Variants in PPP2R2B observed in about 807,000 individuals in gnomAD.
PPP2R2B encodes serine/threonine-protein phosphatase 2A 55 kDa regulatory subunit B beta isoform.
Under a neutral mutation model 46.0 loss-of-function variants are expected in PPP2R2B, and 5 were observed. The ratio of observed to expected loss-of-function variants is 0.11; its 90% CI spans 0.06 to 0.23. The LOEUF (loss-of-function observed/expected upper bound fraction) is 0.23. Among genes scored for constraint, PPP2R2B ranks in the 10% least tolerant of loss-of-function variants. The probability of loss-of-function intolerance (pLI) is 1.00; values close to 1 mark genes in which losing one functional copy is unlikely to be tolerated. For synonymous variants in PPP2R2B, 215 were observed against 206.7 expected, an observed-to-expected ratio of 1.04 and a Z score of -0.34; for missense variants, 367 against 575.0, an observed-to-expected ratio of 0.64 and a Z score of 3.70.
intron 2 of PPP2R2B, among the ~76,000 whole-genome samples, chr5:146,789,259 A>T (rs1756039830): frequency 6.6e-6 from 1 of 152,200 alleles, no homozygotes; most frequent in African/African-American, 2.4e-5. Context: ...CTTGGGGGGC[A>T]AATGGGTAAG....
chr5:146,831,206 T>C (rs577781092), intron 2 of PPP2R2B, among the ~76,000 whole-genome samples: 233 of 152,098 alleles, frequency 1.5e-3, no homozygotes, highest in Non-Finnish European at 2.8e-3. Context: ...TATTAAAAAG[T>C]CTCTGGGTTG....
intron 1 of PPP2R2B, among the ~76,000 whole-genome samples, chr5:146,906,047 C>T (rs191009132): frequency 2.0e-5 from 3 of 151,944 alleles, no homozygotes; most frequent in Admixed American, 6.5e-5. Context: ...GACATTTGAA[C>T]CTATTTTTTC....
At chr5:146,701,292 C>T in intron 2 of PPP2R2B, 150 bp from the exon 3 acceptor site, 2 of 813,788 alleles carry the variant, frequency 2.5e-6, no homozygotes, top group Admixed American at 3.4e-5. Flanking sequence ...GTTTTAAATG[C>T]CACCAGAAGT....
chr5:146,759,019 AACTT>A (rs1256775785), intron 2 of PPP2R2B, among the ~76,000 whole-genome samples: 24 of 152,228 alleles, frequency 1.6e-4, no homozygotes, highest in Non-Finnish European at 3.1e-4. Context: ...TATCTACAAA[AACTT>A]ACTTATTTTA....
chr5:146,839,142 A>T (rs1189287421), intron 2 of PPP2R2B, among the ~76,000 whole-genome samples: 1 of 152,180 alleles, frequency 6.6e-6, no homozygotes, highest in Non-Finnish European at 1.5e-5. Context: ...TACCTAGTCT[A>T]TTCGATCTTG....
chr5:146,699,367 T>C (rs1456729330), intron 3 of PPP2R2B, among the ~76,000 whole-genome samples: 1 of 152,192 alleles, frequency 6.6e-6, no homozygotes, highest in Non-Finnish European at 1.5e-5. Context: ...TCGGATTTAG[T>C]GCTCATTTTA....
In PPP2R2B at chr5:146,861,059, T is replaced by C. The variant is rs939371193; in HGVS notation, c.70+16943A>G. Among the ~76,000 whole-genome samples, 36 of 98,798 alleles carry C rather than the reference T, an allele frequency of 3.6e-4. 1 individual carries two copies. Among genetic ancestry groups the C allele is most frequent in the East Asian group, 2.4e-3 (5 of 2,122 alleles). 64.8% of individuals were successfully genotyped at this position (98,798 alleles called of 152,430 possible). On this transcript the variant is annotated intron_variant, in intron 2 of 9. Coordinates refer to ENST00000394411, the MANE Select transcript of PPP2R2B (RefSeq NM_181675.4). ...GCATTCAAACTGAATTTTTTCTTTTTTTTTTTTTTTTTTTTGAGACTGAGT... is the reference window on the plus strand; with the variant it reads ...GCATTCAAACTGAATTTTTTCTTTTCTTTTTTTTTTTTTTTGAGACTGAGT...
At chr5:146,733,600 T>C (rs1452070846) in intron 2 of PPP2R2B, among the ~76,000 whole-genome samples, 1 of 152,208 alleles carries the variant, frequency 6.6e-6, no homozygotes. Context: ...AAAGTTGTTC[T>C]AAGCTTGGGC....
intron 5 of PPP2R2B, among the ~76,000 whole-genome samples, chr5:146,651,199 C>T (rs992608553): frequency 6.6e-6 from 1 of 152,088 alleles, no homozygotes; most frequent in Non-Finnish European, 1.5e-5. Flanking sequence ...TGGCTTTGTC[C>T]TTAATCCTTA....
chr5:146,945,123 G>A (rs1034322483), intron 1 of PPP2R2B, among the ~76,000 whole-genome samples: 4 of 152,116 alleles, frequency 2.6e-5, no homozygotes, highest in African/African-American at 9.7e-5. Flanking sequence ...TTAAATCTCT[G>A]TAACTCCTGA....
In PPP2R2B at chr5:146,997,049, T is replaced by A. The variant is rs531429352; in HGVS notation, c.79+58616A>T. 2.0e-5 allele frequency among the ~76,000 whole-genome samples: 3 copies of A among 152,322 alleles called. No individual in the cohort carries two copies. In the South Asian group the frequency reaches 6.2e-4, roughly 32 times the overall value. On this transcript the variant is annotated intron_variant, in intron 1 of 8. Coordinates refer to the PPP2R2B transcript ENST00000336640. ...AAATTGGAAGACTCAAACACGGGAT[T>A]GCACCCAACTCTAAAGTTCTAGATT...
At chr5:146,608,793 A>T (rs1424387194) in intron 7 of PPP2R2B, among the ~76,000 whole-genome samples, 1 of 152,080 alleles carries the variant, frequency 6.6e-6, no homozygotes, top group East Asian at 1.9e-4. Context: ...TCAAAAACAA[A>T]CAAGACATGT....
intron 5 of PPP2R2B, among the ~76,000 whole-genome samples, chr5:146,684,532 T>C (rs1778370831): frequency 6.6e-6 from 1 of 152,172 alleles, no homozygotes; most frequent in South Asian, 2.1e-4. Context: ...TACCCTCTTT[T>C]ATAAATGGGA....
chr5:147,040,862 G>A lies in PPP2R2B; in HGVS notation c.79+14803C>T, dbSNP rs1045511898. 3 of 422,078 alleles carry A rather than the reference G, an allele frequency of 7.1e-6. No individual in the cohort carries two copies. The Admixed American group carries it at 8.8e-5, about 12-fold the overall frequency. 26.1% of individuals were successfully genotyped at this position (422,078 alleles called of 1,614,324 possible). ...AGTGCCATTACACATACCTCCCTCA[G>A]CCATTTAAAAATACCTTGAGGCTGG... On this transcript the variant is annotated intron_variant, in intron 1 of 8. Transcript: ENST00000336640.
rs2151420321 is a variant in PPP2R2B at position 146,878,374 on chromosome 5, A to G, written c.-124-179T>C. 7.0e-7 allele frequency: 1 copy of G among 1,430,786 alleles called. No individual in the cohort carries two copies. The highest frequency in any genetic ancestry group is 1.5e-5 in the South Asian group (1 of 66,674). The allele number at this position is 1,430,786 out of a possible 1,614,324, so 88.6% of individuals were successfully genotyped here. A position where few individuals can be genotyped will look rare whatever the true frequency, so the allele number is the denominator to read the frequency against. On this transcript the variant is annotated intron_variant, in intron 1 of 9. Coordinates refer to ENST00000394411, the MANE Select transcript of PPP2R2B (RefSeq NM_181675.4). The surrounding 1 kb of genome is among the most constrained non-coding windows in gnomAD (Gnocchi z 4.5). The stretch of plus-strand genomic sequence containing the variant: ...CTCCGCTGCCTCCGGGTGCCAAGAT[A>G]CGCCGTGCCCCGAGGGGTCTGGTCC...
chr5:146,786,506 AACC>A (rs1755847449), intron 2 of PPP2R2B, among the ~76,000 whole-genome samples: 2 of 152,184 alleles, frequency 1.3e-5, no homozygotes, highest in Non-Finnish European at 2.9e-5. Context: ...GCCTCCTGAC[AACC>A]ACCAACTATC....
rs181800584 is a variant in PPP2R2B at position 146,955,493 on chromosome 5, G to A, written c.79+100172C>T. On this transcript the variant is annotated intron_variant, in intron 1 of 8. Transcript: ENST00000336640. Reference sequence around the variant, plus strand: ...ATAAATTACGTCCCCAGATAAATTGGAAGCACCTGAAGTATCAATTTTACA... The same window carrying A: ...ATAAATTACGTCCCCAGATAAATTGAAAGCACCTGAAGTATCAATTTTACA... Among the ~76,000 whole-genome samples the A allele has an allele frequency of 1.2e-4, 19 of 152,228 alleles. No individual in the cohort carries two copies. In the East Asian group the frequency reaches 3.3e-3, roughly 26 times the overall value.
intron 2 of PPP2R2B, among the ~76,000 whole-genome samples, chr5:146,772,147 T>C (rs531580800): frequency 1.3e-5 from 2 of 152,160 alleles, no homozygotes; most frequent in South Asian, 4.1e-4. Context: ...AAAGGTTCTA[T>C]ATGGGCTATC....
At chr5:146,792,694 T>C (rs1756277915) in intron 2 of PPP2R2B, among the ~76,000 whole-genome samples, 1 of 152,160 alleles carries the variant, frequency 6.6e-6, no homozygotes, top group African/African-American at 2.4e-5. Flanking sequence ...AAATTGGCTA[T>C]GCAGATGTCT....
Sources: allele counts gnomAD v4.1 joint callset (sites outside exome capture counted in the v4.1 genomes callset), GRCh38; gene constraint gnomAD v4.1.1; non-coding constraint Gnocchi (gnomAD v3.1); transcripts MANE v1.5; gene names NCBI Gene and HGNC (gene_info 2026-07-23, HGNC 2026-07-21).